The following UNC13C variants were observed in gnomAD, a reference collection of about 807,000 sequenced individuals.
UNC13C encodes protein unc-13 homolog C.
UNC13C carries 174 observed loss-of-function variants against 245.4 expected under a neutral mutation model. The observed-to-expected ratio is 0.71, with a 90% confidence interval of 0.63 to 0.80. The LOEUF (loss-of-function observed/expected upper bound fraction) is 0.80. UNC13C is among the 30% of genes least tolerant of loss of function. The pLI, the probability that UNC13C is intolerant of heterozygous loss-of-function variation, is 0.00. For synonymous variants in UNC13C, 992 were observed against 895.1 expected, an observed-to-expected ratio of 1.11 and a Z score of -1.93; for missense variants, 2,829 against 2,602.9, an observed-to-expected ratio of 1.09 and a Z score of -1.89.
chr15:54,321,012 A>G (rs182729172), intron 13 of UNC13C: 1 of 441,512 alleles, frequency 2.3e-6, no homozygotes, highest in South Asian at 1.7e-5. Context: ...AAAGCCACAC[A>G]GTCACTAACG....
chr15:53,997,788 GTTTTA>G (rs1008372261), intron 1 of UNC13C, among the ~76,000 whole-genome samples: 1 of 151,732 alleles, frequency 6.6e-6, no homozygotes, highest in Middle Eastern at 3.2e-3. Context: ...CTCCAATATT[GTTTTA>G]TTTTATTTTA....
At chr15:54,007,684 G>T (rs993346391) in intron 1 of UNC13C, among the ~76,000 whole-genome samples, 3 of 152,072 alleles carry the variant, frequency 2.0e-5, no homozygotes, top group Non-Finnish European at 4.4e-5. Context: ...CTATGTAATG[G>T]GTTGACAGGT....
chr15:54,047,623 T>C (rs1387188319), intron 2 of UNC13C, among the ~76,000 whole-genome samples: 1 of 152,174 alleles, frequency 6.6e-6, no homozygotes, highest in Non-Finnish European at 1.5e-5. Context: ...TTGTATGTAT[T>C]GTACCACATT....
intron 4 of UNC13C, among the ~76,000 whole-genome samples, chr15:54,208,972 G>T (rs4144950): frequency 0.3 from 46,346 of 151,982 alleles, 7,294 homozygotes; most frequent in African/African-American, 0.38. Flanking sequence ...ACTCCTTTAT[G>T]CAAAGCAAGT....
At chr15:53,984,709 AT>A (rs1894059434) in intron 1 of UNC13C, among the ~76,000 whole-genome samples, 1 of 152,136 alleles carries the variant, frequency 6.6e-6, no homozygotes, top group Non-Finnish European at 1.5e-5. Context: ...TGTACATGTT[AT>A]TAGACAAAAA....
chr15:54,478,616 C>G (rs552467110), intron 19 of UNC13C, among the ~76,000 whole-genome samples: 1 of 151,554 alleles, frequency 6.6e-6, no homozygotes, highest in African/African-American at 2.4e-5. Context: ...TGTAGTTGAG[C>G]AGTTTTGAGT....
chr15:54,346,427 T>C (rs893080284), intron 17 of UNC13C, among the ~76,000 whole-genome samples: 8 of 152,196 alleles, frequency 5.3e-5, no homozygotes, highest in Non-Finnish European at 1.0e-4. Context: ...ATCATATTCA[T>C]GCTACTTCTG....
At chr15:54,313,410 C>G (rs2037925543) in intron 13 of UNC13C, among the ~76,000 whole-genome samples, 1 of 151,650 alleles carries the variant, frequency 6.6e-6, no homozygotes, top group South Asian at 2.1e-4. Context: ...TTAGTATGCA[C>G]AAGAAAACAC....
chr15:54,128,834 T>C (rs1482691527), intron 2 of UNC13C, among the ~76,000 whole-genome samples: 1 of 152,200 alleles, frequency 6.6e-6, no homozygotes, highest in Non-Finnish European at 1.5e-5. Flanking sequence ...TAGTACCTAA[T>C]TGCTGCTTCC....
At chr15:53,955,502 T>G in the UNC13C span, among the ~76,000 whole-genome samples, 2 of 152,208 alleles carry the variant, frequency 1.3e-5, no homozygotes, top group African/African-American at 4.8e-5. Context: ...GCCAAAAAGA[T>G]GTAGGTAATT....
chr15:54,485,102 A>C (rs771426443), intron 19 of UNC13C, among the ~76,000 whole-genome samples: 1 of 152,196 alleles, frequency 6.6e-6, no homozygotes, highest in African/African-American at 2.4e-5. Context: ...AAGATGCAGC[A>C]GTGACTTTTC....
chr15:54,534,373 A>G (rs1359356490), intron 26 of UNC13C, among the ~76,000 whole-genome samples: 1 of 152,152 alleles, frequency 6.6e-6, no homozygotes, highest in Non-Finnish European at 1.5e-5. Context: ...CCCAATATAT[A>G]CCACAGTCAA....
chr15:54,452,367 TC>T (rs1891226860), intron 19 of UNC13C, among the ~76,000 whole-genome samples: 1 of 152,106 alleles, frequency 6.6e-6, no homozygotes, highest in South Asian at 2.1e-4. Context: ...ATGCTCTGGT[TC>T]CCAAGCCATC....
At chr15:53,841,521 G>T in the UNC13C span, among the ~76,000 whole-genome samples, 1 of 152,002 alleles carries the variant, frequency 6.6e-6, no homozygotes, top group African/African-American at 2.4e-5. Context: ...AGACATTAAA[G>T]AAGTTAGTAA....
chr15:53,885,831 G>A, the UNC13C span, among the ~76,000 whole-genome samples: 1 of 152,166 alleles, frequency 6.6e-6, no homozygotes, highest in African/African-American at 2.4e-5. Context: ...TTGAAAACCA[G>A]TGGAGTGTGC....
In UNC13C at chr15:54,089,324, C is replaced by T. The variant is rs545237788; in HGVS notation, c.2984-53694C>T. ...TTCATTATTTGGAAGAATGTGTCTA[C>T]AATTACCATTACTTCTTTTAGCTTA... On this transcript the variant is annotated intron_variant, in intron 2 of 32. Coordinates refer to ENST00000260323, the MANE Select transcript of UNC13C (RefSeq NM_001080534.3). Among the ~76,000 whole-genome samples, 8 of 152,268 alleles carry T rather than the reference C, an allele frequency of 5.3e-5. No homozygotes were observed. The East Asian group carries it at 1.4e-3, about 26-fold the overall frequency.
chr15:54,087,586 C>A lies in UNC13C; in HGVS notation c.2984-55432C>A, dbSNP rs544274187. On this transcript the variant is annotated intron_variant, in intron 2 of 32. Transcript: ENST00000260323. ...AGATTCCCTCATGTCCACAGATGGG[C>A]ATATTACAGGCTTAAATTAGTGTGA... Among the ~76,000 whole-genome samples the A allele has an allele frequency of 3.3e-5, 5 of 152,258 alleles. 1 individual carries two copies. The South Asian group carries it at 8.3e-4, about 25-fold the overall frequency.
At chr15:54,549,857 A>G (rs1202187498) in intron 28 of UNC13C, among the ~76,000 whole-genome samples, 166 bp downstream of exon 28, 2 of 152,212 alleles carry the variant, frequency 1.3e-5, no homozygotes, top group African/African-American at 4.8e-5. Flanking sequence ...TGCAGCATTT[A>G]GCATTATTGC....
chr15:54,463,275 G>T lies in UNC13C; in HGVS notation c.4934-31333G>T, dbSNP rs1242198336. ...TCAGTAGAATGTGGGCGGGGGGGGG[G>T]GGGGGGGCCGGTCAGGTAAGGGAAT... On this transcript the variant is annotated intron_variant, in intron 19 of 32. Transcript: ENST00000260323. 5.2e-5 allele frequency among the ~76,000 whole-genome samples: 4 copies of T among 76,502 alleles called. 1 individual carries two copies. Among genetic ancestry groups the T allele is most frequent in the Admixed American group, 4.5e-4 (4 of 8,854 alleles). The allele number at this position is 76,502 out of a possible 152,430, so 50.2% of individuals were successfully genotyped here.
Sources: gnomAD v4.1 joint callset for allele counts (sites outside exome capture counted in the v4.1 genomes callset) on GRCh38, gnomAD v4.1.1 for gene constraint, MANE v1.5 for transcripts, NCBI Gene and HGNC (gene_info 2026-07-23, HGNC 2026-07-21) for gene names.